The following AKT3 variants were observed in gnomAD, a reference collection of about 807,000 sequenced individuals.
The protein encoded by AKT3 is RAC-gamma serine/threonine-protein kinase.
In AKT3, 15 loss-of-function variants were observed where a neutral mutation model predicts 65.3. That is an observed-to-expected ratio of 0.23 (90% confidence interval 0.15 to 0.35). AKT3 has a LOEUF of 0.35. Among genes scored for constraint, AKT3 ranks in the 10% least tolerant of loss-of-function variants. AKT3 has a pLI of 1.00. For synonymous variants in AKT3, 206 were observed against 183.8 expected, an observed-to-expected ratio of 1.12 and a Z score of -0.98; for missense variants, 243 against 576.5, an observed-to-expected ratio of 0.42 and a Z score of 5.92.
intron 2 of AKT3, among the ~76,000 whole-genome samples, chr1:243,801,090 C>A (rs1056228884): frequency 6.6e-6 from 1 of 152,134 alleles, no homozygotes; most frequent in African/African-American, 2.4e-5. Context: ...ATAGCTTAAA[C>A]TAGTCTTATT....
chr1:243,651,989 A>G (rs1419531811), intron 4 of AKT3, among the ~76,000 whole-genome samples: 3 of 151,254 alleles, frequency 2.0e-5, no homozygotes, highest in Admixed American at 6.6e-5. Flanking sequence ...CTCTGCAGAA[A>G]CCCTACAAGC....
intron 2 of AKT3, among the ~76,000 whole-genome samples, chr1:243,737,992 T>C (rs902712328): frequency 1.3e-5 from 2 of 152,128 alleles, no homozygotes; most frequent in African/African-American, 4.8e-5. Flanking sequence ...TATACTCAAA[T>C]TGCACCGACT....
Position 243,500,935 on chromosome 1 carries a change from TTC to T in AKT3, c.*4312_*4313del, listed in dbSNP as rs1372159642. The stretch of plus-strand genomic sequence containing the variant: ...CATAAGATATTTTAATTGTCCTTAA[TTC>T]TGTTTTAGATATACTGTGAATAAAT... On this transcript the variant is annotated 3_prime_UTR_variant, in exon 14 of 14. Coordinates refer to ENST00000673466, the MANE Select transcript of AKT3 (RefSeq NM_005465.7). 8 of 227,780 alleles carry T rather than the reference TTC, an allele frequency of 3.5e-5. No homozygotes were observed. Among genetic ancestry groups the T allele is most frequent in the Non-Finnish European group, 5.2e-5 (6 of 114,764 alleles). The allele number at this position is 227,780 out of a possible 1,614,324, so 14.1% of individuals were successfully genotyped here.
At chr1:243,678,222 T>C (rs1412987193) in intron 3 of AKT3, among the ~76,000 whole-genome samples, 1 of 152,190 alleles carries the variant, frequency 6.6e-6, no homozygotes, top group Non-Finnish European at 1.5e-5. Context: ...CCTTCAGGAA[T>C]TCTAACTCCA....
chr1:243,528,128 A>T (rs1348397333), intron 12 of AKT3, among the ~76,000 whole-genome samples: 1 of 151,970 alleles, frequency 6.6e-6, no homozygotes, highest in Non-Finnish European at 1.5e-5. Flanking sequence ...TGCTTCAGAG[A>T]TCTTACATTT....
chr1:243,723,758 A>T (rs1435566775), intron 2 of AKT3, among the ~76,000 whole-genome samples: 1 of 152,110 alleles, frequency 6.6e-6, no homozygotes, highest in Non-Finnish European at 1.5e-5. Context: ...CTCTACAAAA[A>T]ATACAAAAAA....
At chr1:243,697,444 T>C (rs968248198) in intron 2 of AKT3, among the ~76,000 whole-genome samples, 12 of 152,050 alleles carry the variant, frequency 7.9e-5, no homozygotes, top group Non-Finnish European at 1.5e-5. Flanking sequence ...CATTCTTTGA[T>C]ACTACACCAG....
chr1:243,689,596 T>G (rs926871913), intron 3 of AKT3, among the ~76,000 whole-genome samples: 1 of 151,828 alleles, frequency 6.6e-6, no homozygotes. Context: ...ATAAAGATGT[T>G]TGTTAGTAGG....
chr1:243,804,096 T>C (rs1281683588), intron 2 of AKT3, among the ~76,000 whole-genome samples: 1 of 152,184 alleles, frequency 6.6e-6, no homozygotes, highest in African/African-American at 2.4e-5. Flanking sequence ...CTGAGATCAG[T>C]CCATCTTGGA....
intron 2 of AKT3, among the ~76,000 whole-genome samples, chr1:243,720,877 G>T (rs893352258): frequency 6.6e-6 from 1 of 151,984 alleles, no homozygotes; most frequent in African/African-American, 2.4e-5. Context: ...TAAAGTACTT[G>T]CCACACCATA....
intron 2 of AKT3, among the ~76,000 whole-genome samples, chr1:243,810,050 T>C (rs187325552): frequency 1.6e-4 from 25 of 152,276 alleles, no homozygotes; most frequent in Non-Finnish European, 3.2e-4. Context: ...GAGGGAAATT[T>C]ATAGCACTAA....
intron 13 of AKT3, among the ~76,000 whole-genome samples, chr1:243,509,776 G>A (rs957877765): frequency 1.5e-4 from 23 of 152,036 alleles, no homozygotes; most frequent in Non-Finnish European, 2.2e-4. Flanking sequence ...CAGAACTCTC[G>A]GTGCCTCTCC....
At chr1:243,720,891 T>C (rs1686854186) in intron 2 of AKT3, among the ~76,000 whole-genome samples, 2 of 152,180 alleles carry the variant, frequency 1.3e-5, no homozygotes, top group African/African-American at 4.8e-5. Context: ...CACCATATTC[T>C]ACTGGCAAAT....
intron 3 of AKT3, among the ~76,000 whole-genome samples, chr1:243,690,993 C>T (rs192811539): frequency 1.0e-3 from 155 of 152,224 alleles, no homozygotes; most frequent in African/African-American, 3.6e-3. Flanking sequence ...ACTTACTGAT[C>T]AGTGAATGAG....
chr1:243,635,550 A>C (rs1679913435), intron 6 of AKT3, among the ~76,000 whole-genome samples: 1 of 152,044 alleles, frequency 6.6e-6, no homozygotes, highest in African/African-American at 2.4e-5. Flanking sequence ...TGAGGGAAAT[A>C]GAAAATCACC....
chr1:243,606,849 GCCTTGGGAC>G lies in AKT3; in HGVS notation c.696+6813_696+6821del, dbSNP rs1440786279. On this transcript the variant is annotated intron_variant, in intron 8 of 13. Transcript: ENST00000673466. ...GGGCCCCCCAACCCGGCTCTGTGCA[GCCTTGGGAC>G]ATGGTGCCCTGCATCCCAACTGCTT... Among the ~76,000 whole-genome samples, 7 of 152,356 alleles carry G rather than the reference GCCTTGGGAC, an allele frequency of 4.6e-5. No homozygotes were observed. In the South Asian group the frequency reaches 1.2e-3, roughly 27 times the overall value.
At chr1:243,554,172 G>C (rs2148468865) in intron 10 of AKT3, among the ~76,000 whole-genome samples, 1 of 152,064 alleles carries the variant, frequency 6.6e-6, no homozygotes, top group African/African-American at 2.4e-5. Flanking sequence ...TACTATGAAA[G>C]GCACTTTGGT....
Position 243,843,214 on chromosome 1 carries a change from G to A in AKT3, c.-44C>T, listed in dbSNP as rs771397990. Reference sequence around the variant, plus strand: ...CCCCAACTTGGAGAAATGGTACTTTGTGATATCAGCTTTAGGGTTTGGATT... The same window carrying A: ...CCCCAACTTGGAGAAATGGTACTTTATGATATCAGCTTTAGGGTTTGGATT... On this transcript the variant is annotated 5_prime_UTR_variant, in exon 2 of 14. Transcript: ENST00000673466. The A allele has an allele frequency of 1.9e-6, 3 of 1,607,116 alleles. No homozygotes were observed. The highest frequency in any genetic ancestry group is 2.6e-6 in the Non-Finnish European group (3 of 1,176,180).
intron 8 of AKT3, among the ~76,000 whole-genome samples, chr1:243,583,470 T>TA (rs1675556086): frequency 7.0e-6 from 1 of 142,846 alleles, no homozygotes; most frequent in African/African-American, 2.7e-5. Context: ...CCACAGAACA[T>TA]ACATTCTTCT....
Sources: allele counts gnomAD v4.1 joint callset (sites outside exome capture counted in the v4.1 genomes callset), GRCh38; gene constraint gnomAD v4.1.1; transcripts MANE v1.5; gene names NCBI Gene and HGNC (gene_info 2026-07-23, HGNC 2026-07-21).